SLC17A1: variants seen among roughly 807,000 people sequenced by gnomAD.
SLC17A1 encodes the protein solute carrier family 17 member 1.
Under a neutral mutation model 53.5 loss-of-function variants are expected in SLC17A1, and 51 were observed. That is an observed-to-expected ratio of 0.95 (90% CI 0.76 to 1.20). SLC17A1 has a LOEUF of 1.20. SLC17A1 is among the 50% of genes most tolerant of loss of function. The pLI is 0.00. For missense variants in SLC17A1, 538 were observed against 568.2 expected, an observed-to-expected ratio of 0.95 and a Z score of 0.54; for synonymous variants, 179 against 198.8, an observed-to-expected ratio of 0.90 and a Z score of 0.84.
At chr6:25,813,265 C>G in intron 6 of SLC17A1, 52 bp from the exon 7 acceptor site, 3 of 1,429,286 alleles carry the variant, frequency 2.1e-6, no homozygotes, top group South Asian at 1.2e-5. Flanking sequence ...TAGTGGATCT[C>G]TTTCCCAGAA....
chr6:25,762,120 C>A, the SLC17A1 span: 1 of 1,352,026 alleles, frequency 7.4e-7, no homozygotes, highest in Non-Finnish European at 1.0e-6. Flanking sequence ...ACTTGTGGTA[C>A]TAAATAAAAC....
At chr6:25,814,580 G>A (rs570785667) in intron 6 of SLC17A1, among the ~76,000 whole-genome samples, 5 of 152,238 alleles carry the variant, frequency 3.3e-5, no homozygotes, top group African/African-American at 9.6e-5. Flanking sequence ...AATAAAGAAT[G>A]CCTTTGATGC....
At chr6:25,803,822 T>G (rs1763865155) in intron 10 of SLC17A1, among the ~76,000 whole-genome samples, 1 of 152,132 alleles carries the variant, frequency 6.6e-6, no homozygotes, top group Admixed American at 6.5e-5. Context: ...CCAGGTACTA[T>G]TCTATATACT....
At chr6:25,777,046 G>T in the SLC17A1 span, 1 of 1,435,112 alleles carries the variant, frequency 7.0e-7, no homozygotes, top group Non-Finnish European at 9.4e-7. Flanking sequence ...GTAAAATGTG[G>T]CAGGTACAAC....
At chr6:25,726,387 G>T in the SLC17A1 span, 1 of 1,614,074 alleles carries the variant, frequency 6.2e-7, no homozygotes. Context: ...ACACTGGTGC[G>T]CCTGCCCCTA....
the SLC17A1 span, chr6:25,732,880 A>AAACAAC: frequency 6.8e-6 from 1 of 147,722 alleles, no homozygotes; most frequent in Non-Finnish European, 1.3e-5. Context: ...TGTCTAGAAG[A>AAACAAC]AACAAAAACA....
At chr6:25,820,903 A>G (rs1242241718) in intron 3 of SLC17A1, among the ~76,000 whole-genome samples, 1 of 151,270 alleles carries the variant, frequency 6.6e-6, no homozygotes, top group African/African-American at 2.4e-5. Flanking sequence ...ATCTCAAAAA[A>G]AAAAAAAAAA....
intron 12 of SLC17A1, among the ~76,000 whole-genome samples, chr6:25,784,743 G>A (rs539173188): frequency 4.6e-5 from 7 of 152,210 alleles, no homozygotes; most frequent in Admixed American, 2.0e-4. Context: ...AGAGTCATAC[G>A]GCTCTGAAAC....
chr6:25,770,145 A>G, the SLC17A1 span: 53 of 1,613,968 alleles, frequency 3.3e-5, no homozygotes, highest in Non-Finnish European at 4.4e-5. Flanking sequence ...CTTGGCTCCA[A>G]TCCCCAGTGG....
the SLC17A1 span, chr6:25,726,583 G>A: frequency 3.2e-5 from 50 of 1,551,626 alleles, no homozygotes; most frequent in Middle Eastern, 3.5e-4. Flanking sequence ...CTGCTACTGG[G>A]CCTATTTATA....
At chr6:25,763,040 G>T in the SLC17A1 span, among the ~76,000 whole-genome samples, 1 of 152,230 alleles carries the variant, frequency 6.6e-6, no homozygotes, top group African/African-American at 2.4e-5. Context: ...TCCTGATTTT[G>T]CCATTTATGA....
At chr6:25,754,102 G>T in the SLC17A1 span, among the ~76,000 whole-genome samples, 2 of 152,090 alleles carry the variant, frequency 1.3e-5, no homozygotes, top group East Asian at 1.9e-4. Flanking sequence ...CACTGGATTT[G>T]CTGGCAGAGA....
the SLC17A1 span, chr6:25,726,127 T>G: frequency 1.8e-4 from 269 of 1,522,396 alleles, no homozygotes; most frequent in South Asian, 6.9e-4. Context: ...AATGACAACC[T>G]TAAGTTACTT....
At chr6:25,758,643 G>A in the SLC17A1 span, among the ~76,000 whole-genome samples, 12 of 152,158 alleles carry the variant, frequency 7.9e-5, no homozygotes, top group Middle Eastern at 3.4e-3. Flanking sequence ...AATATCTCCC[G>A]TTTTGTTTCA....
chr6:25,779,251 TTC>T, downstream of SLC17A1: 2 of 1,595,700 alleles, frequency 1.3e-6, no homozygotes, highest in South Asian at 2.3e-5. Context: ...TCACAGACAT[TTC>T]TCTTTCATGC....
chr6:25,742,642 T>A, the SLC17A1 span, among the ~76,000 whole-genome samples: 1 of 151,392 alleles, frequency 6.6e-6, no homozygotes, highest in African/African-American at 2.4e-5. Flanking sequence ...GTATAATATG[T>A]ATGGTGGGAA....
At chr6:25,764,218 A>C in the SLC17A1 span, among the ~76,000 whole-genome samples, 2 of 152,188 alleles carry the variant, frequency 1.3e-5, no homozygotes, top group Admixed American at 1.3e-4. Flanking sequence ...CATTTGTGGA[A>C]TCTGAATGGA....
intron 6 of SLC17A1, among the ~76,000 whole-genome samples, chr6:25,813,807 C>T (rs752790688): frequency 7.2e-5 from 11 of 152,198 alleles, no homozygotes; most frequent in Non-Finnish European, 1.0e-4. Context: ...CATCATTTAG[C>T]TCCCACTTAC....
chr6:25,777,053 C>T, the SLC17A1 span: 1 of 1,364,976 alleles, frequency 7.3e-7, no homozygotes, highest in South Asian at 1.4e-5. Flanking sequence ...GTGGCAGGTA[C>T]AACAGGTTGC....
Sources: allele counts gnomAD v4.1 joint callset (sites outside exome capture counted in the v4.1 genomes callset), GRCh38; gene constraint gnomAD v4.1.1; transcripts MANE v1.5; gene names NCBI Gene and HGNC (gene_info 2026-07-23, HGNC 2026-07-21).